Variants in IGSF21 observed in about 807,000 individuals in gnomAD.
IGSF21 encodes the protein immunoglobulin superfamily member 21.
Under a neutral mutation model 46.8 loss-of-function variants are expected in IGSF21, and 28 were observed. The observed-to-expected ratio is 0.60, with a 90% CI of 0.44 to 0.82. The LOEUF is 0.82. IGSF21 is among the 40% of genes least tolerant of loss of function. The pLI is 0.00. For missense variants in IGSF21, 624 were observed against 665.5 expected (o/e 0.94, Z 0.69); for synonymous variants, 284 against 273.6 (o/e 1.04, Z -0.38).
intron 1 of IGSF21, among the ~76,000 whole-genome samples, chr1:18,168,760 G>T (rs1257673092): frequency 6.6e-6 from 1 of 152,230 alleles, no homozygotes; most frequent in Non-Finnish European, 1.5e-5. Flanking sequence ...TAGTAAAGGT[G>T]TTATTGCTCA....
At chr1:18,280,857 G>A (rs539493209) in intron 2 of IGSF21, among the ~76,000 whole-genome samples, 12 of 152,126 alleles carry the variant, frequency 7.9e-5, no homozygotes, top group South Asian at 2.1e-4. Context: ...TGTCTGCCCC[G>A]AAGGCTCTGC....
chr1:18,108,137 C>A lies in IGSF21; in HGVS notation c.9C>A (p.Thr3=). The change falls in exon 1 of 10, where the codon ACC becomes ACA. Residue 3 remains threonine (T), a synonymous_variant. Transcript: ENST00000251296. MR[T]APSLRRCVCL... ...GCCAGCTCCCGGGCACCATGCGAAC[C>A]GCCCCGAGCCTCCGCCGCTGCGTCT... The A allele has an allele frequency of 2.1e-6, 3 of 1,425,182 alleles. No individual in the cohort carries two copies. Among genetic ancestry groups the A allele is most frequent in the Non-Finnish European group, 2.8e-6 (3 of 1,087,646 alleles). 88.3% of individuals were successfully genotyped at this position (1,425,182 alleles called of 1,614,324 possible).
chr1:18,178,794 CG>C (rs1361590228), intron 1 of IGSF21, among the ~76,000 whole-genome samples: 1 of 151,942 alleles, frequency 6.6e-6, no homozygotes, highest in Non-Finnish European at 1.5e-5. Context: ...TCCCAGAGGA[CG>C]GGTCTGTGCC....
chr1:18,369,617 G>A (rs1364287811), intron 6 of IGSF21, among the ~76,000 whole-genome samples: 1 of 152,188 alleles, frequency 6.6e-6, no homozygotes, highest in Non-Finnish European at 1.5e-5. Flanking sequence ...CACCATCAGG[G>A]CACCCTGCAC....
At position 18,322,218 on chromosome 1, in the gene IGSF21, C is replaced by A. The variant is rs903155443; in HGVS notation, c.306-12674C>A. 1.3e-5 allele frequency among the ~76,000 whole-genome samples: 2 copies of A among 152,134 alleles called. No homozygotes were observed. The highest frequency in any genetic ancestry group is 4.8e-5 in the African/African-American group (2 of 41,424). On this transcript the variant is annotated intron_variant, in intron 3 of 9. Coordinates refer to ENST00000251296, the MANE Select transcript of IGSF21 (RefSeq NM_032880.5). The surrounding 1 kb of genome is among the most constrained non-coding windows in gnomAD (Gnocchi z 4.3). ...GTACACTGATGAACGAGGCCTGCATCGGCTCCTGGAACTCAAGGGCGAGGG... is the reference window on the plus strand; with the variant it reads ...GTACACTGATGAACGAGGCCTGCATAGGCTCCTGGAACTCAAGGGCGAGGG...
chr1:18,181,473 A>T (rs2086857655), intron 1 of IGSF21, among the ~76,000 whole-genome samples: 1 of 152,078 alleles, frequency 6.6e-6, no homozygotes, highest in Admixed American at 6.5e-5. Flanking sequence ...TGTGCTGGGG[A>T]TTAAATGAGA....
chr1:18,343,313 G>A (rs1295621367), intron 4 of IGSF21, among the ~76,000 whole-genome samples: 1 of 152,122 alleles, frequency 6.6e-6, no homozygotes, highest in Non-Finnish European at 1.5e-5. Context: ...TTATGATTGA[G>A]TTGTAAGAGT....
At chr1:18,326,998 G>A (rs2085664019) in intron 3 of IGSF21, among the ~76,000 whole-genome samples, 1 of 152,186 alleles carries the variant, frequency 6.6e-6, no homozygotes, top group Admixed American at 6.5e-5. Flanking sequence ...TGAGCCTCCT[G>A]TGCCACAACA....
chr1:18,317,031 C>T (rs1454122214), intron 3 of IGSF21, among the ~76,000 whole-genome samples: 1 of 152,196 alleles, frequency 6.6e-6, no homozygotes, highest in East Asian at 1.9e-4. Flanking sequence ...CTCTCTCTAA[C>T]ACTCCCTGTT....
In IGSF21 at chr1:18,290,310, C is replaced by G. The variant is rs1184961018; in HGVS notation, c.184-1556C>G. Among the ~76,000 whole-genome samples the G allele has an allele frequency of 6.6e-6, 1 of 152,164 alleles. No individual in the cohort carries two copies. Among genetic ancestry groups the G allele is most frequent in the Non-Finnish European group, 1.5e-5 (1 of 68,032 alleles). Reference sequence around the variant, plus strand: ...GCACATGGTCAGAAAGCGCCAAGCCCTCAGAGGGGAAGAAAGTGACGCGTG... The same window carrying G: ...GCACATGGTCAGAAAGCGCCAAGCCGTCAGAGGGGAAGAAAGTGACGCGTG... On this transcript the variant is annotated intron_variant, in intron 2 of 9. Coordinates refer to ENST00000251296, the MANE Select transcript of IGSF21 (RefSeq NM_032880.5). This position sits in a 1 kb window ranked among gnomAD's most constrained non-coding sequence, Gnocchi z 4.2.
chr1:18,365,138 C>T lies in IGSF21; in HGVS notation c.541-85C>T, dbSNP rs2086147040. ...ACTATGCTCTGGAAGAACTGGCATC[C>T]TGTGCCCAGTTCATCGGAGAACCCA... On this transcript the variant is annotated intron_variant, in intron 5 of 9. Transcript: ENST00000251296. This position sits in a 1 kb window ranked among gnomAD's most constrained non-coding sequence, Gnocchi z 4.8. 4 of 1,024,008 alleles carry T rather than the reference C, an allele frequency of 3.9e-6. No individual in the cohort carries two copies. In the South Asian group the frequency reaches 4.4e-5, roughly 11 times the overall value. 63.4% of individuals were successfully genotyped at this position (1,024,008 alleles called of 1,614,324 possible).
In IGSF21 at chr1:18,334,880, T is replaced by G. The variant is rs745874836; in HGVS notation, c.306-12T>G. 8 of 1,608,190 alleles carry G rather than the reference T, an allele frequency of 5.0e-6. No homozygotes were observed. Among genetic ancestry groups the G allele is most frequent in the Non-Finnish European group, 6.8e-6 (8 of 1,174,784 alleles). ...GATGAAGGGCCCTCACCCTGTCTTC[T>G]GCCTCCCCCAGGCTGCCCGAGGTCC... On this transcript the variant is annotated splice_polypyrimidine_tract_variant and intron_variant, in intron 3 of 9. Transcript: ENST00000251296. This position sits in a 1 kb window ranked among gnomAD's most constrained non-coding sequence, Gnocchi z 4.3.
At chr1:18,282,168 G>T (rs1186821415) in intron 2 of IGSF21, among the ~76,000 whole-genome samples, 1 of 152,144 alleles carries the variant, frequency 6.6e-6, no homozygotes, top group East Asian at 1.9e-4. Context: ...AGTGGGCCTG[G>T]GGGTTCCGGA....
chr1:18,189,215 T>C (rs1321759570), intron 1 of IGSF21, among the ~76,000 whole-genome samples: 2 of 152,210 alleles, frequency 1.3e-5, no homozygotes, highest in Non-Finnish European at 2.9e-5. Context: ...ATCCCCTTCT[T>C]GCTATGTAGT....
intron 3 of IGSF21, among the ~76,000 whole-genome samples, chr1:18,311,168 A>G (rs535754331): frequency 6.6e-6 from 1 of 152,176 alleles, no homozygotes; most frequent in Non-Finnish European, 1.5e-5. Flanking sequence ...CCAGCAGGAT[A>G]TGAGAGCCCC....
chr1:18,337,825 C>T lies in IGSF21; in HGVS notation c.424+2815C>T, dbSNP rs527849572. Among the ~76,000 whole-genome samples the T allele has an allele frequency of 2.0e-5, 3 of 152,240 alleles. No individual in the cohort carries two copies. The highest frequency in any genetic ancestry group is 4.4e-5 in the Non-Finnish European group (3 of 68,012). On this transcript the variant is annotated intron_variant, in intron 4 of 9. Transcript: ENST00000251296. This position sits in a 1 kb window ranked among gnomAD's most constrained non-coding sequence, Gnocchi z 5.7. ...ATCCAATCCTCACTGCAGATCGGCG[C>T]GTGGGGGATTACTATTATCTCTAAC... is the stretch of plus-strand genomic sequence containing the variant.
chr1:18,337,364 G>A lies in IGSF21; in HGVS notation c.424+2354G>A, dbSNP rs571457166. ...TTAAAGTAGATAAAGTTTGCAGAAC[G>A]CCTACCTCATCAAGAATATCATTGA... is the stretch of plus-strand genomic sequence containing the variant. On this transcript the variant is annotated intron_variant, in intron 4 of 9. Transcript: ENST00000251296. This position sits in a 1 kb window ranked among gnomAD's most constrained non-coding sequence, Gnocchi z 5.7. Among the ~76,000 whole-genome samples, 12 of 152,298 alleles carry A rather than the reference G, an allele frequency of 7.9e-5. No individual in the cohort carries two copies. The highest frequency in any genetic ancestry group is 4.1e-4 in the South Asian group (2 of 4,824).
intron 1 of IGSF21, chr1:18,115,997 A>G (rs996563171): frequency 5.3e-5 from 8 of 152,200 alleles, no homozygotes; most frequent in African/African-American, 1.9e-4. Flanking sequence ...ACATAACATC[A>G]TACTCAACTA....
chr1:18,282,000 A>C (rs1025062179), intron 2 of IGSF21, among the ~76,000 whole-genome samples: 1 of 152,152 alleles, frequency 6.6e-6, no homozygotes, highest in Non-Finnish European at 1.5e-5. Context: ...GACCCTGGGC[A>C]TGCCCCTCCC....
Sources: gnomAD v4.1 joint callset for allele counts (sites outside exome capture counted in the v4.1 genomes callset) on GRCh38, gnomAD v4.1.1 for gene constraint, Gnocchi (gnomAD v3.1) non-coding constraint, MANE v1.5 for transcripts, NCBI Gene and HGNC (gene_info 2026-07-23, HGNC 2026-07-21) for gene names.